Variants in RAB3GAP2 observed in about 807,000 individuals in gnomAD.
RAB3GAP2 encodes rab3 GTPase-activating protein non-catalytic subunit.
A neutral mutation model predicts 185.3 loss-of-function variants in RAB3GAP2; 87 were observed. That is an observed-to-expected ratio of 0.47 (90% CI 0.39 to 0.56). The LOEUF (loss-of-function observed/expected upper bound fraction) is 0.56, where lower values mean the gene tolerates loss of function less well. Among genes scored for constraint, RAB3GAP2 ranks in the 20% least tolerant of loss-of-function variants. The pLI is 0.00. For missense variants in RAB3GAP2, 1,492 were observed against 1,638.2 expected (o/e 0.91, Z 1.54); for synonymous variants, 554 against 576.1 (o/e 0.96, Z 0.55).
intron 2 of RAB3GAP2, among the ~76,000 whole-genome samples, chr1:220,227,838 G>A (rs1318008591): frequency 1.3e-5 from 2 of 152,154 alleles, no homozygotes; most frequent in South Asian, 2.1e-4. Context: ...TGCAACATCC[G>A]CCTCCCGGGT....
intron 1 of RAB3GAP2, among the ~76,000 whole-genome samples, chr1:220,243,690 G>A (rs1659742452): frequency 6.6e-6 from 1 of 152,108 alleles, no homozygotes; most frequent in African/African-American, 2.4e-5. Flanking sequence ...GTCGTTTTGA[G>A]TCCACTCACA....
intron 8 of RAB3GAP2, among the ~76,000 whole-genome samples, chr1:220,204,160 C>A (rs1658913346): frequency 6.6e-6 from 1 of 152,054 alleles, no homozygotes; most frequent in South Asian, 2.1e-4. Context: ...TAGTCTAAAT[C>A]CAGCATCTCA....
intron 2 of RAB3GAP2, among the ~76,000 whole-genome samples, chr1:220,232,104 T>C (rs1659512484): frequency 1.3e-5 from 2 of 152,158 alleles, no homozygotes; most frequent in South Asian, 4.1e-4. Context: ...TCTAGAAAAA[T>C]GCGTAGAATA....
chr1:220,246,471 G>A (rs1395304733), intron 1 of RAB3GAP2, among the ~76,000 whole-genome samples: 69 of 127,910 alleles, frequency 5.4e-4, no homozygotes, highest in Admixed American at 4.2e-3. Context: ...ACATGCACAC[G>A]TATGTTTATT....
intron 4 of RAB3GAP2, among the ~76,000 whole-genome samples, chr1:220,211,694 T>C (rs1659088178): frequency 6.6e-6 from 1 of 152,208 alleles, no homozygotes; most frequent in South Asian, 2.1e-4. Context: ...GTTAAATCTG[T>C]CAAACCTGAG....
chr1:220,252,572 C>T (rs7543828), intron 1 of RAB3GAP2, among the ~76,000 whole-genome samples: 29,044 of 152,076 alleles, frequency 0.19, 2,895 homozygotes, highest in Admixed American at 0.25. Context: ...GTGGAGGGGG[C>T]GACGGCCCAC....
intron 1 of RAB3GAP2, among the ~76,000 whole-genome samples, chr1:220,269,656 AG>A (rs1433003830): frequency 1.3e-5 from 2 of 152,182 alleles, no homozygotes; most frequent in African/African-American, 4.8e-5. Context: ...CAGGAGGTGG[AG>A]GTTGTAGTAA....
At position 220,158,504 on chromosome 1, in the gene RAB3GAP2, G is replaced by A. The variant is rs12135468; in HGVS notation, c.3262-628C>T. Among the ~76,000 whole-genome samples, 7,509 of 151,420 alleles carry A rather than the reference G, an allele frequency of 0.05. 256 individuals are homozygous for A. The highest frequency in any genetic ancestry group is 0.079 in the Non-Finnish European group (5,328 of 67,862). On this transcript the variant is annotated intron_variant, in intron 29 of 34. Coordinates refer to ENST00000358951, the MANE Select transcript of RAB3GAP2 (RefSeq NM_012414.4). The surrounding 1 kb of genome is among the most constrained non-coding windows in gnomAD (Gnocchi z 4.3). ...TGCCCAGGCTGGAGTACAGTGGCACGATCTCGGCTCACTGCAACCTCCACC... is the reference window on the plus strand; with the variant it reads ...TGCCCAGGCTGGAGTACAGTGGCACAATCTCGGCTCACTGCAACCTCCACC...
chr1:220,253,771 A>G, intron 1 of RAB3GAP2: 1 of 1,611,872 alleles, frequency 6.2e-7, no homozygotes, highest in Non-Finnish European at 8.5e-7. Flanking sequence ...ATACGTGGAC[A>G]CCAATTTGCA....
intron 18 of RAB3GAP2, among the ~76,000 whole-genome samples, chr1:220,185,392 C>A (rs1216680395): frequency 6.6e-6 from 1 of 152,054 alleles, no homozygotes; most frequent in Non-Finnish European, 1.5e-5. Flanking sequence ...TCAGAATAAC[C>A]ACTTATCATT....
chr1:220,181,394 T>C (rs2102864724), intron 21 of RAB3GAP2, among the ~76,000 whole-genome samples: 1 of 152,226 alleles, frequency 6.6e-6, no homozygotes, highest in South Asian at 2.1e-4. Context: ...GGGACAACTG[T>C]GTATGCATGC....
intron 21 of RAB3GAP2, among the ~76,000 whole-genome samples, chr1:220,179,999 TA>T (rs1339523717): frequency 6.6e-6 from 1 of 151,950 alleles, no homozygotes; most frequent in Non-Finnish European, 1.5e-5. Context: ...CCGTCTCTAC[TA>T]AAAATACAAA....
At chr1:220,161,065 A>C (rs1657955205) in intron 28 of RAB3GAP2, among the ~76,000 whole-genome samples, 1 of 152,212 alleles carries the variant, frequency 6.6e-6, no homozygotes, top group Non-Finnish European at 1.5e-5. Flanking sequence ...ACACACATAA[A>C]TTACATTTTA....
At chr1:220,248,917 C>T (rs1223661986) in intron 1 of RAB3GAP2, among the ~76,000 whole-genome samples, 1 of 152,212 alleles carries the variant, frequency 6.6e-6, no homozygotes, top group Non-Finnish European at 1.5e-5. Flanking sequence ...GACATGTTTG[C>T]TTCCCCTTCT....
At chr1:220,267,686 C>T in intron 1 of RAB3GAP2, 1 of 1,554,366 alleles carries the variant, frequency 6.4e-7, no homozygotes, top group Non-Finnish European at 8.9e-7. Context: ...CCTGCAATTG[C>T]TTCTGCTTCT....
chr1:220,173,264 T>TTAAACCAAAAAACAGACTTTAAACCAAAA, intron 21 of RAB3GAP2, among the ~76,000 whole-genome samples: 1 of 152,340 alleles, frequency 6.6e-6, no homozygotes, highest in Middle Eastern at 3.4e-3. Flanking sequence ...CCAAAAAACT[T>TTAAACCAAAAAACAGACTTTAAACCAAAA]AAGTCAACAT....
chr1:220,250,716 T>A (rs1659916592), intron 1 of RAB3GAP2, among the ~76,000 whole-genome samples: 1 of 152,150 alleles, frequency 6.6e-6, no homozygotes, highest in Non-Finnish European at 1.5e-5. Flanking sequence ...TGGGGGTGGT[T>A]CATGATAGTG....
chr1:220,213,875 T>C lies in RAB3GAP2; in HGVS notation c.285A>G (p.Gln95=), dbSNP rs762831768. 6.2e-7 allele frequency: 1 copy of C among 1,613,420 alleles called. No homozygotes were observed. Among genetic ancestry groups the C allele is most frequent in the South Asian group, 1.1e-5 (1 of 91,052 alleles). ...ACTCACGCACTAGAAATACAGCTTTTTGCTCTCGAGCTATCACCATAAGAT... is the reference window on the plus strand; with the variant it reads ...ACTCACGCACTAGAAATACAGCTTTCTGCTCTCGAGCTATCACCATAAGAT... ...TNDLMVIARE[Q]KAVFLVPKWK... Residue 95 remains glutamine, a synonymous_variant, in exon 3 of 35, where the codon CAA becomes CAG. Transcript: ENST00000358951.
At chr1:220,177,755 AGAG>A (rs1271537995) in intron 21 of RAB3GAP2, among the ~76,000 whole-genome samples, 2 of 152,332 alleles carry the variant, frequency 1.3e-5, no homozygotes, top group Admixed American at 6.5e-5. Context: ...ATACATAGTC[AGAG>A]GAGAAGAAAG....
Sources: allele counts gnomAD v4.1 joint callset (sites outside exome capture counted in the v4.1 genomes callset), GRCh38; gene constraint gnomAD v4.1.1; non-coding constraint Gnocchi (gnomAD v3.1); transcripts MANE v1.5; gene names NCBI Gene and HGNC (gene_info 2026-07-23, HGNC 2026-07-21).